The following SEPTIN14 variants were observed in gnomAD, a reference collection of about 807,000 sequenced individuals.
SEPTIN14 encodes the protein septin-14.
Under a neutral mutation model 53.6 loss-of-function variants are expected in SEPTIN14, and 40 were observed. That is an observed-to-expected ratio of 0.75 (90% CI 0.58 to 0.97). SEPTIN14 has a LOEUF of 0.97. Among genes scored for constraint, SEPTIN14 ranks in the 50% least tolerant of loss-of-function variants. The pLI is 0.00. For synonymous variants in SEPTIN14, 138 were observed against 166.8 expected (o/e 0.83, Z 1.33); for missense variants, 471 against 508.2 (o/e 0.93, Z 0.70).
intron 5 of SEPTIN14, among the ~76,000 whole-genome samples, chr7:55,835,185 T>TTTTATTTATTTATTTA (rs560812909): frequency 7.5e-4 from 114 of 151,622 alleles, no homozygotes; most frequent in African/African-American, 2.6e-3. Flanking sequence ...ATGTAAATTA[T>TTTTATTTATTTATTTA]TTTATTTATT....
chr7:55,844,635 A>G lies in SEPTIN14; in HGVS notation c.259T>C (p.Ser87Pro). 6.2e-7 allele frequency: 1 copy of G among 1,607,536 alleles called. No individual in the cohort carries two copies. The highest frequency in any genetic ancestry group is 8.5e-7 in the Non-Finnish European group (1 of 1,174,378). ...LKDNKSSHFYSNVGLQIQTYE... is the reference protein window; with the variant it reads ...LKDNKSSHFYPNVGLQIQTYE... ...GTCTGAATTTGAAGTCCAACATTTG[A>G]GTAAAAATGTGAGGATTTGTTATCT... The change falls in exon 4 of 10, where the codon TCA becomes CCA. Residue 87 changes from serine (S) to proline (P), a missense_variant. Transcript: ENST00000388975.
chr7:55,852,255 A>G (rs1271168898), intron 2 of SEPTIN14, among the ~76,000 whole-genome samples: 1 of 152,180 alleles, frequency 6.6e-6, no homozygotes. Context: ...CTCTGGGTAC[A>G]CTGAAGGAAT....
At chr7:55,811,286 G>A in intron 7 of SEPTIN14, 1 of 516,556 alleles carries the variant, frequency 1.9e-6, no homozygotes, top group South Asian at 1.5e-5. Context: ...GGTTCTGCCT[G>A]TCAGACTCAA....
chr7:55,822,608 T>C (rs1262777281), intron 6 of SEPTIN14, among the ~76,000 whole-genome samples: 1 of 152,084 alleles, frequency 6.6e-6, no homozygotes, highest in Non-Finnish European at 1.5e-5. Flanking sequence ...CAAATAAAGT[T>C]AACTAATATT....
chr7:55,817,476 A>ATATATAT, intron 7 of SEPTIN14, among the ~76,000 whole-genome samples: 1 of 143,784 alleles, frequency 7.0e-6, no homozygotes, highest in Middle Eastern at 3.6e-3. Context: ...ATATATATAT[A>ATATATAT]TTTTTTTTTT....
intron 2 of SEPTIN14, among the ~76,000 whole-genome samples, 162 bp from the exon 3 acceptor site, chr7:55,846,799 A>G (rs1789424565): frequency 6.6e-6 from 1 of 152,170 alleles, no homozygotes; most frequent in African/African-American, 2.4e-5. Flanking sequence ...TGAAAATAGA[A>G]GTCTGTGTTC....
rs1402448697 is a variant in SEPTIN14, at chr7:55,795,855, A to G, written c.*58T>C. ...TTCAGAGTTAAATGCTACAAAGACA[A>G]TCTCACAGGAAGTTGCGATGTAGAA... On this transcript the variant is annotated 3_prime_UTR_variant, in exon 10 of 10. Transcript: ENST00000388975. 1.6e-6 allele frequency: 2 copies of G among 1,228,076 alleles called. No homozygotes were observed. The highest frequency in any genetic ancestry group is 1.8e-5 in the Admixed American group (1 of 55,338). The allele number at this position is 1,228,076 out of a possible 1,614,324, so 76.1% of individuals were successfully genotyped here.
chr7:55,834,619 A>G, intron 5 of SEPTIN14, 33 bp from the exon 6 acceptor site: 1 of 1,533,412 alleles, frequency 6.5e-7, no homozygotes, highest in Non-Finnish European at 8.8e-7. Context: ...AAATCTCATC[A>G]TTGTTCATCT....
At chr7:55,849,297 C>G (rs566397715) in intron 2 of SEPTIN14, among the ~76,000 whole-genome samples, 1 of 151,336 alleles carries the variant, frequency 6.6e-6, no homozygotes, top group African/African-American at 2.4e-5. Flanking sequence ...TGCATTCCAG[C>G]CTGGGCAACA....
intron 6 of SEPTIN14, 66 bp from the exon 7 acceptor site, chr7:55,819,289 T>A (rs1180518921): frequency 8.6e-7 from 1 of 1,163,126 alleles, no homozygotes; most frequent in East Asian, 2.6e-5. Context: ...ATTACTCTCA[T>A]TCCTGTTATA....
chr7:55,842,708 C>G (rs950626692), intron 5 of SEPTIN14, among the ~76,000 whole-genome samples: 1 of 151,796 alleles, frequency 6.6e-6, no homozygotes, highest in Admixed American at 6.6e-5. Context: ...GTCAGGAGAT[C>G]GAGACCATCC....
chr7:55,805,378 G>T lies in SEPTIN14; in HGVS notation c.999C>A (p.Ile333=). The change falls in exon 9 of 10, where the codon ATC becomes ATA. Residue 333 remains isoleucine (I), a synonymous_variant. Coordinates refer to ENST00000388975, the MANE Select transcript of SEPTIN14 (RefSeq NM_207366.3). ...PNNQPVSFQE[I]FEAKRQEFYD... ...AGAACTCTTGTCTTTTGGCTTCAAA[G>T]ATTTCTTGAAAACTAAAGAGAAATG... is the stretch of plus-strand genomic sequence containing the variant. 6.3e-7 allele frequency: 1 copy of T among 1,586,578 alleles called. No homozygotes were observed. Among genetic ancestry groups the T allele is most frequent in the Non-Finnish European group, 8.6e-7 (1 of 1,165,886 alleles).
At chr7:55,825,898 C>T (rs550679995) in intron 6 of SEPTIN14, among the ~76,000 whole-genome samples, 1 of 151,892 alleles carries the variant, frequency 6.6e-6, no homozygotes, top group Non-Finnish European at 1.5e-5. Context: ...GTCAGGAGAT[C>T]GAGACCATCC....
intron 6 of SEPTIN14, among the ~76,000 whole-genome samples, chr7:55,830,055 A>G (rs1463308496): frequency 5.4e-5 from 8 of 148,994 alleles, no homozygotes; most frequent in East Asian, 4.1e-4. Context: ...GCGGGCGCCT[A>G]TAGTCCCAGC....
Position 55,830,033 on chromosome 7 carries a change from C to T in SEPTIN14, c.720+4392G>A, listed in dbSNP as rs146752881. ...CTCTACTGAAAATACAAAAAATTAG[C>T]CGGGCGTGGTGGCGGGCGCCTATAG... is the stretch of plus-strand genomic sequence containing the variant. On this transcript the variant is annotated intron_variant, in intron 6 of 9. Transcript: ENST00000388975. Among the ~76,000 whole-genome samples the T allele has an allele frequency of 1.5e-4, 23 of 150,604 alleles. No individual in the cohort carries two copies. In the East Asian group the frequency reaches 4.6e-3, roughly 30 times the overall value.
At chr7:55,845,501 T>C (rs987140205) in intron 3 of SEPTIN14, among the ~76,000 whole-genome samples, 10 of 152,162 alleles carry the variant, frequency 6.6e-5, no homozygotes, top group African/African-American at 2.4e-4. Flanking sequence ...AGAGTGACTA[T>C]AGTCAATGTA....
At chr7:55,806,280 C>T (rs1439387928) in intron 8 of SEPTIN14, among the ~76,000 whole-genome samples, 2 of 151,922 alleles carry the variant, frequency 1.3e-5, no homozygotes, top group African/African-American at 4.8e-5. Context: ...GGATTACAGG[C>T]GGGAGCCACT....
chr7:55,846,691 T>A, intron 2 of SEPTIN14, 54 bp from the exon 3 acceptor site: 3 of 1,002,660 alleles, frequency 3.0e-6, no homozygotes, highest in South Asian at 1.5e-5. Context: ...ATGAAGTCAT[T>A]TGAAAGGAAA....
rs190063163 is a variant in SEPTIN14 at position 55,815,313 on chromosome 7, C to T, written c.817+3814G>A. Among the ~76,000 whole-genome samples the T allele has an allele frequency of 6.6e-5, 10 of 151,962 alleles. No individual in the cohort carries two copies. In the East Asian group the frequency reaches 9.7e-4, roughly 15 times the overall value. ...AGTTAAAAAGCTTCTGCAAAACAAA[C>T]GAAACAACAAAGTGAAGAAACAATA... On this transcript the variant is annotated intron_variant, in intron 7 of 9. Transcript: ENST00000388975.
Sources: allele counts gnomAD v4.1 joint callset (sites outside exome capture counted in the v4.1 genomes callset), GRCh38; gene constraint gnomAD v4.1.1; transcripts MANE v1.5; gene names NCBI Gene and HGNC (gene_info 2026-07-23, HGNC 2026-07-21).